TRPS1: variants seen among roughly 807,000 people sequenced by gnomAD.
The protein encoded by TRPS1 is zinc finger transcription factor Trps1.
A neutral mutation model predicts 101.2 loss-of-function variants in TRPS1; 6 were observed. The ratio of observed to expected loss-of-function variants is 0.06; its 90% CI spans 0.03 to 0.12. The LOEUF is 0.12. Ranked by LOEUF, TRPS1 falls within the 10% of genes least tolerant of loss-of-function variation. The pLI, the probability that TRPS1 is intolerant of heterozygous loss-of-function variation, is 1.00. For synonymous variants in TRPS1, 578 were observed against 589.8 expected, an observed-to-expected ratio of 0.98 and a Z score of 0.29; for missense variants, 1,363 against 1,567.0, an observed-to-expected ratio of 0.87 and a Z score of 2.20.
intron 1 of TRPS1, among the ~76,000 whole-genome samples, chr8:115,645,145 CTTTA>C (rs1035243648): frequency 7.9e-5 from 12 of 152,058 alleles, no homozygotes; most frequent in Non-Finnish European, 2.9e-5. Flanking sequence ...TGCCACAAAT[CTTTA>C]TTTATAAAAA....
chr8:115,503,681 A>G (rs925286545), intron 5 of TRPS1, among the ~76,000 whole-genome samples: 2 of 152,226 alleles, frequency 1.3e-5, no homozygotes, highest in Non-Finnish European at 2.9e-5. Flanking sequence ...AAGAGTTTAA[A>G]AATAACTTTG....
intron 5 of TRPS1, among the ~76,000 whole-genome samples, chr8:115,549,605 T>A (rs190193875): frequency 9.9e-5 from 15 of 151,432 alleles, no homozygotes; most frequent in Non-Finnish European, 1.9e-4. Flanking sequence ...TTCGCCCAAA[T>A]GTTTGCAGCT....
intron 5 of TRPS1, among the ~76,000 whole-genome samples, chr8:115,463,456 G>C (rs1400331181): frequency 1.3e-5 from 2 of 152,044 alleles, no homozygotes; most frequent in East Asian, 3.9e-4. Context: ...TAAATTCCTA[G>C]ACACAACAAT....
chr8:115,647,589 A>C (rs1272649489), intron 1 of TRPS1, among the ~76,000 whole-genome samples: 1 of 152,212 alleles, frequency 6.6e-6, no homozygotes, highest in Non-Finnish European at 1.5e-5. Flanking sequence ...TGCATGAGAC[A>C]CACACTTCCA....
chr8:115,530,777 G>A (rs1241331398), intron 5 of TRPS1, among the ~76,000 whole-genome samples: 4 of 152,086 alleles, frequency 2.6e-5, no homozygotes, highest in Non-Finnish European at 5.9e-5. Flanking sequence ...CATGTCCTTT[G>A]TAGGGACATG....
chr8:115,578,658 C>A (rs974891479), intron 5 of TRPS1, among the ~76,000 whole-genome samples: 1 of 151,854 alleles, frequency 6.6e-6, no homozygotes, highest in Non-Finnish European at 1.5e-5. Flanking sequence ...CAGGGAGGTA[C>A]ATGATCCTAT....
chr8:115,538,463 T>C (rs148208394), intron 5 of TRPS1, among the ~76,000 whole-genome samples: 333 of 152,308 alleles, frequency 2.2e-3, no homozygotes, highest in African/African-American at 7.6e-3. Context: ...CACCATTTGG[T>C]GCTTCTCAGT....
chr8:115,478,647 T>C (rs951542842), intron 5 of TRPS1, among the ~76,000 whole-genome samples: 14 of 151,754 alleles, frequency 9.2e-5, no homozygotes, highest in Admixed American at 4.6e-4. Context: ...GTCCTAAAAA[T>C]ACAAAAATTA....
chr8:115,421,727 G>T (rs1813066713), intron 5 of TRPS1, among the ~76,000 whole-genome samples: 1 of 152,120 alleles, frequency 6.6e-6, no homozygotes, highest in Non-Finnish European at 1.5e-5. Flanking sequence ...CAGAGAAGGT[G>T]GGAGAAGTGG....
At chr8:115,620,394 T>C (rs1818367552) in intron 2 of TRPS1, among the ~76,000 whole-genome samples, 1 of 152,076 alleles carries the variant, frequency 6.6e-6, no homozygotes, top group African/African-American at 2.4e-5. Flanking sequence ...CTTCCTTTGA[T>C]TGTAGCTAAC....
intron 5 of TRPS1, among the ~76,000 whole-genome samples, chr8:115,427,179 A>AG (rs149718072): frequency 0.035 from 5,315 of 152,160 alleles, 323 homozygotes; most frequent in African/African-American, 0.12. Context: ...CTGGAGGCTG[A>AG]GGAGAGAGGA....
At chr8:115,499,987 T>TC (rs1815273553) in intron 5 of TRPS1, among the ~76,000 whole-genome samples, 1 of 149,576 alleles carries the variant, frequency 6.7e-6, no homozygotes, top group African/African-American at 2.5e-5. Flanking sequence ...TCTTTTCTTT[T>TC]CTTTTCTAGT....
intron 5 of TRPS1, among the ~76,000 whole-genome samples, chr8:115,549,208 C>G (rs954146047): frequency 6.6e-6 from 1 of 152,146 alleles, no homozygotes; most frequent in Non-Finnish European, 1.5e-5. Flanking sequence ...AATGTCTAAA[C>G]ATCTCTCCCT....
At chr8:115,518,477 GA>G (rs1265287849) in intron 5 of TRPS1, among the ~76,000 whole-genome samples, 2 of 151,684 alleles carry the variant, frequency 1.3e-5, no homozygotes, top group Non-Finnish European at 3.0e-5. Context: ...GGGTTTTCAT[GA>G]TAACTATGTT....
chr8:115,593,406 A>G (rs1335147406), intron 4 of TRPS1, among the ~76,000 whole-genome samples: 1 of 152,220 alleles, frequency 6.6e-6, no homozygotes, highest in Non-Finnish European at 1.5e-5. Flanking sequence ...AAAAATATTG[A>G]AGGCAAAATA....
At chr8:115,545,147 A>T (rs1243494657) in intron 5 of TRPS1, among the ~76,000 whole-genome samples, 1 of 152,128 alleles carries the variant, frequency 6.6e-6, no homozygotes, top group Non-Finnish European at 1.5e-5. Context: ...GTTGGAAAGG[A>T]TCCTTCTTGA....
rs867440299 is a variant in TRPS1 at position 115,668,491 on chromosome 8, C to T, written c.-122+54G>A. On this transcript the variant is annotated intron_variant, in intron 1 of 6. Coordinates refer to ENST00000395715, the MANE Select transcript of TRPS1 (RefSeq NM_014112.5). ...CCCGGCCGAGGGGCGCCCGCGCCCC[C>T]CGCGCCCCCCGCAGCCCCCGGCCCC... 278 of 146,094 alleles carry T rather than the reference C, an allele frequency of 1.9e-3. 1 individual carries two copies. Among genetic ancestry groups the T allele is most frequent in the African/African-American group, 6.7e-3 (274 of 40,768 alleles). The allele number at this position is 146,094 out of a possible 1,614,324, so 9.0% of individuals were successfully genotyped here.
intron 5 of TRPS1, among the ~76,000 whole-genome samples, chr8:115,527,297 G>A (rs547972353): frequency 9.2e-5 from 14 of 151,758 alleles, no homozygotes; most frequent in East Asian, 3.9e-4. Context: ...GAATGATATC[G>A]TTTAGGTGAG....
intron 1 of TRPS1, chr8:115,667,800 T>C: frequency 6.6e-7 from 1 of 1,524,706 alleles, no homozygotes; most frequent in Non-Finnish European, 8.8e-7. Context: ...TCCTGTGCTG[T>C]TTTCCCACTT....
Sources: gnomAD v4.1 joint callset for allele counts (sites outside exome capture counted in the v4.1 genomes callset) on GRCh38, gnomAD v4.1.1 for gene constraint, MANE v1.5 for transcripts, NCBI Gene and HGNC (gene_info 2026-07-23, HGNC 2026-07-21) for gene names.